The following LGSN variants were observed in gnomAD, a reference collection of about 807,000 sequenced individuals.
The protein encoded by LGSN is lengsin, lens protein with glutamine synthetase domain, also known as lengsin.
LGSN carries 21 observed loss-of-function variants against 19.5 expected under a neutral mutation model. The ratio of observed to expected loss-of-function variants is 1.07; its 90% confidence interval spans 0.76 to 1.55. The LOEUF (loss-of-function observed/expected upper bound fraction) is 1.55, where lower values mean the gene tolerates loss of function less well. Ranked by LOEUF, LGSN falls within the 40% of genes most tolerant of loss-of-function variation. The probability of loss-of-function intolerance (pLI) is 0.00; values close to 1 mark genes in which losing one functional copy is unlikely to be tolerated. For synonymous variants in LGSN, 257 were observed against 215.6 expected, an observed-to-expected ratio of 1.19 and a Z score of -1.68; for missense variants, 673 against 608.5, an observed-to-expected ratio of 1.11 and a Z score of -1.12.
the LGSN span, among the ~76,000 whole-genome samples, chr6:63,342,572 C>A: frequency 6.6e-6 from 1 of 152,078 alleles, no homozygotes; most frequent in Non-Finnish European, 1.5e-5. Flanking sequence ...ATTCAGTCAA[C>A]AAAATGAACT....
At chr6:63,544,267 C>G in the LGSN span, among the ~76,000 whole-genome samples, 1 of 152,162 alleles carries the variant, frequency 6.6e-6, no homozygotes, top group African/African-American at 2.4e-5. Context: ...CCTATTTTCA[C>G]TCAGATTCCC....
intron 2 of LGSN, among the ~76,000 whole-genome samples, chr6:63,289,946 CATCATATT>C (rs1241443771): frequency 6.6e-6 from 1 of 151,596 alleles, no homozygotes; most frequent in African/African-American, 2.4e-5. Flanking sequence ...CTTCTGGCCA[CATCATATT>C]AGCGCAGACA....
chr6:63,474,015 C>T, the LGSN span, among the ~76,000 whole-genome samples: 2 of 151,364 alleles, frequency 1.3e-5, no homozygotes, highest in African/African-American at 4.9e-5. Flanking sequence ...TATAAATTGA[C>T]TTGGTTGCCA....
chr6:63,407,091 AC>A, the LGSN span, among the ~76,000 whole-genome samples: 1 of 152,028 alleles, frequency 6.6e-6, no homozygotes, highest in Non-Finnish European at 1.5e-5. Flanking sequence ...GCCAAATTCT[AC>A]CAGAGGTACA....
chr6:63,418,613 T>C, the LGSN span, among the ~76,000 whole-genome samples: 13 of 151,922 alleles, frequency 8.6e-5, no homozygotes, highest in African/African-American at 2.9e-4. Context: ...CTCTGGGAGG[T>C]AGAAAGAAGG....
At chr6:63,535,480 A>G in the LGSN span, among the ~76,000 whole-genome samples, 1 of 152,234 alleles carries the variant, frequency 6.6e-6, no homozygotes, top group South Asian at 2.1e-4. Flanking sequence ...AAGAAAAAAA[A>G]AAGCAATAAT....
At chr6:63,409,608 G>C in the LGSN span, among the ~76,000 whole-genome samples, 1 of 152,072 alleles carries the variant, frequency 6.6e-6, no homozygotes, top group East Asian at 1.9e-4. Flanking sequence ...CAAAAATTCT[G>C]ATATTTCAGA....
the LGSN span, among the ~76,000 whole-genome samples, chr6:63,340,288 G>A: frequency 6.6e-6 from 1 of 151,976 alleles, no homozygotes; most frequent in South Asian, 2.1e-4. Flanking sequence ...TGAGCTTCCT[G>A]TATCTAGATG....
the LGSN span, among the ~76,000 whole-genome samples, chr6:63,347,224 T>C: frequency 6.6e-6 from 1 of 152,192 alleles, no homozygotes; most frequent in Non-Finnish European, 1.5e-5. Context: ...AAACAATTCA[T>C]GGGGCAAATC....
the LGSN span, among the ~76,000 whole-genome samples, chr6:63,334,765 T>C: frequency 1.3e-5 from 2 of 152,118 alleles, no homozygotes; most frequent in Admixed American, 6.6e-5. Flanking sequence ...AATAGACCCA[T>C]AGACCAATGA....
At chr6:63,437,042 A>G in the LGSN span, among the ~76,000 whole-genome samples, 1 of 148,264 alleles carries the variant, frequency 6.7e-6, no homozygotes, top group Non-Finnish European at 1.5e-5. Context: ...GTCAAAAAAG[A>G]AAGAAAAGGG....
the LGSN span, among the ~76,000 whole-genome samples, chr6:63,554,742 G>A: frequency 6.6e-5 from 10 of 152,160 alleles, no homozygotes; most frequent in South Asian, 4.2e-4. Context: ...AGCTGAAATC[G>A]CACCACTACA....
rs1767107916 is a variant in LGSN at position 63,276,381 on chromosome 6, C to T, written c.*3640G>A. 6.6e-6 allele frequency: 1 copy of T among 151,996 alleles called. No individual in the cohort carries two copies. Among genetic ancestry groups the T allele is most frequent in the Admixed American group, 6.5e-5 (1 of 15,272 alleles). 9.4% of individuals were successfully genotyped at this position (151,996 alleles called of 1,614,324 possible). A position where few individuals can be genotyped will look rare whatever the true frequency, so the allele number is the denominator to read the frequency against. ...TATAGAATGTCCTTGAAAATAGAAA[C>T]TTGTTACTACAATACTAATGTTTTA... is the stretch of plus-strand genomic sequence containing the variant. On this transcript the variant is annotated 3_prime_UTR_variant, in exon 4 of 4. Coordinates refer to ENST00000370657, the MANE Select transcript of LGSN (RefSeq NM_016571.3).
chr6:63,460,982 C>T, the LGSN span, among the ~76,000 whole-genome samples: 1 of 152,192 alleles, frequency 6.6e-6, no homozygotes, highest in Non-Finnish European at 1.5e-5. Flanking sequence ...GGGGGCCAAG[C>T]GTCCCTCAGG....
chr6:63,392,919 C>A, the LGSN span, among the ~76,000 whole-genome samples: 1 of 121,618 alleles, frequency 8.2e-6, no homozygotes, highest in African/African-American at 3.4e-5. Flanking sequence ...TGGAGTCTTG[C>A]TCTGTCGCCC....
chr6:63,317,281 C>T (rs991811495), intron 1 of LGSN, among the ~76,000 whole-genome samples: 2 of 152,134 alleles, frequency 1.3e-5, no homozygotes, highest in Non-Finnish European at 2.9e-5. Flanking sequence ...TTAATCTCCA[C>T]AAAATCCCTT....
chr6:63,545,840 G>A, the LGSN span, among the ~76,000 whole-genome samples: 1 of 151,744 alleles, frequency 6.6e-6, no homozygotes, highest in African/African-American at 2.4e-5. Flanking sequence ...CTCTAGCAAT[G>A]AGAAACCTGG....
the LGSN span, chr6:63,549,601 T>C: frequency 1.8e-6 from 1 of 567,014 alleles, no homozygotes; most frequent in East Asian, 2.8e-5. Flanking sequence ...ATGTGATATA[T>C]ATACACAATG....
At chr6:63,368,788 G>C in the LGSN span, among the ~76,000 whole-genome samples, 1 of 152,206 alleles carries the variant, frequency 6.6e-6, no homozygotes, top group Non-Finnish European at 1.5e-5. Flanking sequence ...GTCCTCTGGA[G>C]TAAGAAGGAA....
Sources: gnomAD v4.1 joint callset for allele counts (sites outside exome capture counted in the v4.1 genomes callset) on GRCh38, gnomAD v4.1.1 for gene constraint, MANE v1.5 for transcripts, NCBI Gene and HGNC (gene_info 2026-07-23, HGNC 2026-07-21) for gene names.